The following SSBP3 variants were observed in gnomAD, a reference collection of about 807,000 sequenced individuals.
SSBP3 encodes single stranded DNA binding protein 3.
SSBP3 carries 5 observed loss-of-function variants against 69.6 expected under a neutral mutation model. The observed-to-expected ratio is 0.07, with a 90% CI of 0.04 to 0.15. The LOEUF is 0.15. Among genes scored for constraint, SSBP3 ranks in the 10% least tolerant of loss-of-function variants. The pLI is 1.00. For missense variants in SSBP3, 312 were observed against 534.0 expected (o/e 0.58, Z 4.10); for synonymous variants, 196 against 193.4 (o/e 1.01, Z -0.11).
Position 54,245,447 on chromosome 1 carries a change from G to A in SSBP3, c.652-2148C>T, listed in dbSNP as rs147165402. On this transcript the variant is annotated intron_variant, in intron 9 of 17. Coordinates refer to ENST00000610401, the Ensembl canonical transcript of SSBP3. Reference sequence around the variant, plus strand: ...GGGAAGGGGGACAGAATGGGAAGATGGAGACCTGGAGCCTGACACACACAG... The same window carrying A: ...GGGAAGGGGGACAGAATGGGAAGATAGAGACCTGGAGCCTGACACACACAG... Among the ~76,000 whole-genome samples the A allele has an allele frequency of 9.8e-4, 149 of 152,310 alleles. 1 individual carries two copies. The highest frequency in any genetic ancestry group is 3.3e-3 in the African/African-American group (138 of 41,576).
chr1:54,242,887 T>G, intron 10 of SSBP3: 1 of 198,524 alleles, frequency 5.0e-6, no homozygotes, highest in Non-Finnish European at 1.0e-5. Context: ...GAGGCGGAGA[T>G]TGCAGTAAGC....
intron 4 of SSBP3, among the ~76,000 whole-genome samples, chr1:54,314,241 A>AG (rs1646057171): frequency 6.6e-6 from 1 of 152,210 alleles, no homozygotes; most frequent in Admixed American, 6.5e-5. Context: ...TGGCAGGGGT[A>AG]GGGGAGGAAG....
intron 4 of SSBP3, among the ~76,000 whole-genome samples, chr1:54,304,948 G>A (rs1052113037): frequency 2.6e-5 from 4 of 152,156 alleles, no homozygotes; most frequent in African/African-American, 7.2e-5. Flanking sequence ...ACACCATGAG[G>A]AAGCGAGGAT....
intron 4 of SSBP3, among the ~76,000 whole-genome samples, chr1:54,313,434 GCTTTT>G (rs1350264076): frequency 4.5e-5 from 5 of 110,244 alleles, no homozygotes; most frequent in African/African-American, 2.1e-4. Flanking sequence ...GTGTGCCTGT[GCTTTT>G]TTTTTTTTTT....
chr1:54,407,877 A>G (rs1203377880), upstream of SSBP3, among the ~76,000 whole-genome samples: 1 of 151,660 alleles, frequency 6.6e-6, no homozygotes, highest in Non-Finnish European at 1.5e-5. Flanking sequence ...AACACGTTTC[A>G]AGTAGGAAAA....
At chr1:54,369,227 G>GGA (rs1553146739) in intron 4 of SSBP3, among the ~76,000 whole-genome samples, 1 of 147,000 alleles carries the variant, frequency 6.8e-6, no homozygotes, top group African/African-American at 2.5e-5. Flanking sequence ...TCGGGGGGGG[G>GGA]GCCCAAGCCA....
intron 4 of SSBP3, among the ~76,000 whole-genome samples, chr1:54,331,189 G>C (rs1646404391): frequency 6.6e-6 from 1 of 152,254 alleles, no homozygotes; most frequent in South Asian, 2.1e-4. Flanking sequence ...GTATATGCCT[G>C]GCTGGAGAGA....
intron 4 of SSBP3, among the ~76,000 whole-genome samples, chr1:54,390,419 C>T (rs933027241): frequency 1.1e-4 from 16 of 152,078 alleles, no homozygotes; most frequent in African/African-American, 3.9e-4. Context: ...CTGAAGAAGA[C>T]GCTGCCAGCA....
chr1:54,275,478 G>A (rs1180316244), intron 5 of SSBP3, among the ~76,000 whole-genome samples: 1 of 152,242 alleles, frequency 6.6e-6, no homozygotes, highest in African/African-American at 2.4e-5. Flanking sequence ...CCTGCTTCCC[G>A]CTGGAGAGCA....
intron 9 of SSBP3, among the ~76,000 whole-genome samples, chr1:54,249,970 C>G (rs1644798891): frequency 6.6e-6 from 1 of 152,112 alleles, no homozygotes; most frequent in Non-Finnish European, 1.5e-5. Context: ...CCCATGACAT[C>G]TGACAATCCA....
chr1:54,410,762 T>A (rs1416766393), upstream of SSBP3, among the ~76,000 whole-genome samples: 2 of 152,174 alleles, frequency 1.3e-5, no homozygotes, highest in Non-Finnish European at 2.9e-5. Context: ...AGTATGTTAA[T>A]GCCTATGCCA....
At chr1:54,381,136 G>A (rs905828001) in intron 4 of SSBP3, among the ~76,000 whole-genome samples, 9 of 151,968 alleles carry the variant, frequency 5.9e-5, no homozygotes, top group African/African-American at 2.2e-4. Flanking sequence ...TGTAATCCCA[G>A]CACTCTGGGA....
At chr1:54,242,017 C>T in intron 11 of SSBP3, 147 bp downstream of exon 11, 2 of 950,722 alleles carry the variant, frequency 2.1e-6, no homozygotes, top group Non-Finnish European at 3.2e-6. Flanking sequence ...CAGGCCTCCA[C>T]CTCCACACGG....
chr1:54,264,849 T>C (rs1645074415), intron 5 of SSBP3, among the ~76,000 whole-genome samples: 1 of 152,216 alleles, frequency 6.6e-6, no homozygotes, highest in Non-Finnish European at 1.5e-5. Flanking sequence ...TCGTCCCTCC[T>C]GACTCCTAGG....
intron 4 of SSBP3, among the ~76,000 whole-genome samples, chr1:54,289,030 AAAAAAACAAAAAAAC>A (rs1288997960): frequency 0.021 from 1,496 of 70,290 alleles, 82 homozygotes; most frequent in African/African-American, 0.072. Flanking sequence ...CAAAAAAAAA[AAAAAAACAAAAAAAC>A]AAAAAAAAAA....
rs1649327516 is a variant in SSBP3, at chr1:54,401,841, A to T, written c.276+20T>A. 6.2e-7 allele frequency: 1 copy of T among 1,602,742 alleles called. No individual in the cohort carries two copies. The highest frequency in any genetic ancestry group is 1.7e-5 in the Admixed American group (1 of 59,954). ...ATCCAACCCTATAATTATTGCTAGG[A>T]TTAAAAATATGTTACTCACATAATC... On this transcript the variant is annotated intron_variant, in intron 4 of 17. Coordinates refer to ENST00000610401, the Ensembl canonical transcript of SSBP3.
chr1:54,407,437 A>T (rs1052595164), upstream of SSBP3, among the ~76,000 whole-genome samples: 1 of 151,540 alleles, frequency 6.6e-6, no homozygotes, highest in African/African-American at 2.4e-5. Flanking sequence ...CCAGGTGTAC[A>T]ATGGGAAATT....
intron 12 of SSBP3, 54 bp from the exon 13 acceptor site, chr1:54,241,013 G>C: frequency 1.3e-6 from 2 of 1,560,534 alleles, no homozygotes; most frequent in Non-Finnish European, 1.7e-6. Flanking sequence ...CGAACATGGG[G>C]AGGGGCCGGC....
intron 4 of SSBP3, among the ~76,000 whole-genome samples, chr1:54,365,438 A>C (rs1447766363): frequency 6.6e-6 from 1 of 152,176 alleles, no homozygotes; most frequent in Admixed American, 6.5e-5. Context: ...AGTAACCAAA[A>C]CATTGACAGT....
Sources: allele counts gnomAD v4.1 joint callset (sites outside exome capture counted in the v4.1 genomes callset), GRCh38; gene constraint gnomAD v4.1.1; transcripts MANE v1.5; gene names NCBI Gene and HGNC (gene_info 2026-07-23, HGNC 2026-07-21).